DYM: variants seen among roughly 807,000 people sequenced by gnomAD.
DYM encodes dyggve-Melchior-Clausen syndrome protein.
In DYM, 78 loss-of-function variants were observed where a neutral mutation model predicts 93.1. The ratio of observed to expected loss-of-function variants is 0.84; its 90% confidence interval spans 0.70 to 1.01. The LOEUF is 1.01. Ranked by LOEUF, DYM falls within the 50% of genes least tolerant of loss-of-function variation. DYM has a pLI of 0.00. For missense variants in DYM, 789 were observed against 845.0 expected (o/e 0.93, Z 0.82); for synonymous variants, 321 against 319.7 (o/e 1.00, Z -0.04).
intron 16 of DYM, among the ~76,000 whole-genome samples, chr18:49,115,136 T>C (rs943547533): frequency 2.6e-5 from 4 of 152,240 alleles, no homozygotes; most frequent in African/African-American, 9.6e-5. Flanking sequence ...TCATGGTTTA[T>C]TTTTTAATGA....
At chr18:49,209,951 T>C (rs2092704603) in intron 13 of DYM, among the ~76,000 whole-genome samples, 1 of 152,086 alleles carries the variant, frequency 6.6e-6, no homozygotes, top group East Asian at 1.9e-4. Context: ...CAAATAAGCA[T>C]ATGAAGAGAT....
intron 5 of DYM, among the ~76,000 whole-genome samples, chr18:49,366,647 G>C (rs1445035858): frequency 2.0e-5 from 3 of 152,110 alleles, no homozygotes; most frequent in East Asian, 1.9e-4. Context: ...AAACAAACAA[G>C]AGTTCTCCCT....
intron 14 of DYM, among the ~76,000 whole-genome samples, chr18:49,175,090 C>A (rs190662017): frequency 4.7e-4 from 72 of 152,198 alleles, no homozygotes; most frequent in African/African-American, 1.6e-3. Flanking sequence ...CTTCAATATG[C>A]GGCTTCATAG....
At chr18:49,096,372 A>G (rs776558899) in intron 17 of DYM, among the ~76,000 whole-genome samples, 1 of 152,196 alleles carries the variant, frequency 6.6e-6, no homozygotes, top group African/African-American at 2.4e-5. Context: ...ATATTTTTAT[A>G]TCCTACAACA....
chr18:49,193,118 C>T (rs1010966632), intron 14 of DYM, among the ~76,000 whole-genome samples: 1 of 151,754 alleles, frequency 6.6e-6, no homozygotes, highest in African/African-American at 2.4e-5. Context: ...TTAATCTTTC[C>T]ACATTGTATT....
At chr18:49,271,695 A>G (rs1425119166) in intron 11 of DYM, among the ~76,000 whole-genome samples, 3 of 151,906 alleles carry the variant, frequency 2.0e-5, no homozygotes, top group Non-Finnish European at 2.9e-5. Flanking sequence ...AAAAAATGCC[A>G]AAGAGAAACA....
chr18:49,105,225 T>C (rs2080658972), intron 16 of DYM, among the ~76,000 whole-genome samples: 1 of 152,210 alleles, frequency 6.6e-6, no homozygotes, highest in African/African-American at 2.4e-5. Flanking sequence ...CTGATGGCAG[T>C]TTGTATTTCT....
intron 13 of DYM, among the ~76,000 whole-genome samples, chr18:49,214,954 T>G (rs562279392): frequency 5.3e-5 from 8 of 152,280 alleles, no homozygotes; most frequent in Admixed American, 4.6e-4. Context: ...GCAAGATCTA[T>G]CCACAGAAGA....
intron 15 of DYM, among the ~76,000 whole-genome samples, chr18:49,144,388 C>G (rs114956978): frequency 1.1e-3 from 174 of 152,098 alleles, no homozygotes; most frequent in African/African-American, 3.9e-3. Context: ...TCCCTCTTTA[C>G]GTAAGTTTGC....
At chr18:49,417,206 T>C (rs1184109731) in intron 2 of DYM, among the ~76,000 whole-genome samples, 3 of 152,188 alleles carry the variant, frequency 2.0e-5, no homozygotes, top group East Asian at 1.9e-4. Flanking sequence ...GGCGAAAGCA[T>C]TGGCCTGACC....
At chr18:49,401,892 G>C (rs2070877318) in intron 2 of DYM, among the ~76,000 whole-genome samples, 1 of 152,052 alleles carries the variant, frequency 6.6e-6, no homozygotes, top group Admixed American at 6.5e-5. Context: ...TGAGTGTGGT[G>C]ATGCGCACCT....
intron 13 of DYM, among the ~76,000 whole-genome samples, chr18:49,251,234 T>A (rs1194490049): frequency 6.6e-6 from 1 of 152,194 alleles, no homozygotes; most frequent in Non-Finnish European, 1.5e-5. Context: ...TACAGCAGTG[T>A]GCAGGGGTGA....
chr18:49,376,481 T>A (rs1006116707), intron 5 of DYM, among the ~76,000 whole-genome samples: 1 of 152,188 alleles, frequency 6.6e-6, no homozygotes, highest in African/African-American at 2.4e-5. Context: ...ATCTGCCTAT[T>A]TGGGGACAGG....
At position 49,036,648 on chromosome 18, in the gene DYM, C is replaced by A. The variant is rs892068715; in HGVS notation, c.*7407G>T. ...CTCACTGCAGCCTCTACCTCCTGGG[C>A]TCAGGTAATCCTCCTACCTTAGCCT... On this transcript the variant is annotated 3_prime_UTR_variant, in exon 18 of 18. Coordinates refer to ENST00000675505, the MANE Select transcript of DYM (RefSeq NM_001353214.3). Among the ~76,000 whole-genome samples, 1 of 151,664 alleles carries A rather than the reference C, an allele frequency of 6.6e-6. No individual in the cohort carries two copies.
At position 49,039,690 on chromosome 18, in the gene DYM, C is replaced by A. The variant is rs1479978959; in HGVS notation, c.*4365G>T. Among the ~76,000 whole-genome samples, 4 of 152,224 alleles carry A rather than the reference C, an allele frequency of 2.6e-5. No homozygotes were observed. Among genetic ancestry groups the A allele is most frequent in the Admixed American group, 6.5e-5 (1 of 15,294 alleles). Reference sequence around the variant, plus strand: ...AGTTATTTCTAATCTGCTCTTAAACCTGTTCACTGTTCTTCTCATTACAGT... The same window carrying A: ...AGTTATTTCTAATCTGCTCTTAAACATGTTCACTGTTCTTCTCATTACAGT... On this transcript the variant is annotated 3_prime_UTR_variant, in exon 18 of 18. Transcript: ENST00000675505.
intron 6 of DYM, among the ~76,000 whole-genome samples, chr18:49,351,328 G>GC (rs1020951218): frequency 6.6e-6 from 1 of 152,114 alleles, no homozygotes; most frequent in African/African-American, 2.4e-5. Context: ...TCAAGATTGT[G>GC]CCACTGCACT....
chr18:49,059,181 C>A (rs113049779), intron 17 of DYM, among the ~76,000 whole-genome samples: 67 of 152,320 alleles, frequency 4.4e-4, no homozygotes, highest in African/African-American at 1.6e-3. Flanking sequence ...CCACAGCCAG[C>A]CAGCTAGTCC....
chr18:49,442,602 CA>C (rs1480967176), intron 1 of DYM, among the ~76,000 whole-genome samples: 2 of 151,906 alleles, frequency 1.3e-5, no homozygotes, highest in African/African-American at 4.8e-5. Context: ...TCATAGAAAA[CA>C]GATGATTCTA....
chr18:49,164,702 T>C lies in DYM; in HGVS notation c.1626-915A>G, dbSNP rs1302068794. 2.0e-5 allele frequency among the ~76,000 whole-genome samples: 3 copies of C among 152,174 alleles called. 1 individual carries two copies. The highest frequency in any genetic ancestry group is 4.1e-4 in the South Asian group (2 of 4,832). On this transcript the variant is annotated intron_variant, in intron 14 of 17. Transcript: ENST00000675505. ...TCCACAAGGTGTGGCAGTAAACAAC[T>C]ACCCAGGAGCTGTAAATTAAACAGA...
Sources: gnomAD v4.1 joint callset for allele counts (sites outside exome capture counted in the v4.1 genomes callset) on GRCh38, gnomAD v4.1.1 for gene constraint, MANE v1.5 for transcripts, NCBI Gene and HGNC (gene_info 2026-07-23, HGNC 2026-07-21) for gene names.